Variants in PDE7B observed in about 807,000 individuals in gnomAD.
PDE7B encodes 3',5'-cyclic-AMP phosphodiesterase 7B.
PDE7B carries 29 observed loss-of-function variants against 56.2 expected under a neutral mutation model. That is an observed-to-expected ratio of 0.52 (90% CI 0.38 to 0.70). PDE7B has a LOEUF of 0.70. PDE7B is among the 30% of genes least tolerant of loss of function. PDE7B has a pLI of 0.00. For missense variants in PDE7B, 490 were observed against 565.0 expected (o/e 0.87, Z 1.35); for synonymous variants, 197 against 196.9 (o/e 1.00, Z 0.00).
chr6:135,870,856 T>A (rs1442398929), intron 1 of PDE7B, among the ~76,000 whole-genome samples: 2 of 151,936 alleles, frequency 1.3e-5, no homozygotes, highest in East Asian at 3.9e-4. Context: ...GGGTGGAGAA[T>A]GAAGACTCCC....
At chr6:135,915,685 C>T (rs1248380069) in intron 1 of PDE7B, among the ~76,000 whole-genome samples, 7 of 152,198 alleles carry the variant, frequency 4.6e-5, no homozygotes, top group Non-Finnish European at 8.8e-5. Flanking sequence ...CCCCGGAAAT[C>T]GCTCTATGCT....
chr6:136,178,036 A>G (rs540568182), intron 9 of PDE7B, among the ~76,000 whole-genome samples: 214 of 152,364 alleles, frequency 1.4e-3, no homozygotes, highest in African/African-American at 4.9e-3. Flanking sequence ...TACATACCAT[A>G]TAACTTAAAG....
chr6:136,070,795 T>C (rs1032646676), intron 2 of PDE7B, among the ~76,000 whole-genome samples: 6 of 152,158 alleles, frequency 3.9e-5, no homozygotes, highest in Non-Finnish European at 7.4e-5. Flanking sequence ...TACGTGATAA[T>C]AACAGCAAAG....
chr6:135,990,592 G>A (rs1775461998), intron 2 of PDE7B, among the ~76,000 whole-genome samples: 2 of 152,184 alleles, frequency 1.3e-5, no homozygotes, highest in Admixed American at 6.5e-5. Flanking sequence ...GAAGTTAGAC[G>A]TATAGAAATA....
chr6:135,906,363 T>C (rs1345950451), intron 1 of PDE7B, among the ~76,000 whole-genome samples: 1 of 152,242 alleles, frequency 6.6e-6, no homozygotes, highest in Non-Finnish European at 1.5e-5. Context: ...ATCTACTGGC[T>C]ATGATTTTAC....
chr6:135,947,218 C>T (rs1041741709), intron 1 of PDE7B, among the ~76,000 whole-genome samples: 2 of 152,102 alleles, frequency 1.3e-5, no homozygotes, highest in African/African-American at 4.8e-5. Context: ...CGTGACTTCA[C>T]ATGGGAGCAC....
At chr6:135,935,550 T>C (rs932997070) in intron 1 of PDE7B, among the ~76,000 whole-genome samples, 5 of 152,128 alleles carry the variant, frequency 3.3e-5, no homozygotes, top group Non-Finnish European at 7.4e-5. Flanking sequence ...TTATTGAGAA[T>C]CTATGATGTG....
intron 1 of PDE7B, among the ~76,000 whole-genome samples, chr6:135,857,209 C>CT (rs959521928): frequency 9.3e-4 from 142 of 151,924 alleles, no homozygotes; most frequent in African/African-American, 3.1e-3. Flanking sequence ...GTAATACTTA[C>CT]TTTTTTTTCC....
intron 2 of PDE7B, among the ~76,000 whole-genome samples, chr6:136,036,303 G>A (rs1294656243): frequency 1.3e-5 from 2 of 152,164 alleles, no homozygotes; most frequent in Non-Finnish European, 2.9e-5. Context: ...TTCCCTAATT[G>A]TGTTGTATGT....
intron 2 of PDE7B, among the ~76,000 whole-genome samples, chr6:136,027,709 C>T (rs549888684): frequency 6.6e-6 from 1 of 152,236 alleles, no homozygotes; most frequent in South Asian, 2.1e-4. Flanking sequence ...GCAACCTCCA[C>T]CTCCCGGCTT....
At chr6:136,052,605 A>G (rs1191301117) in intron 2 of PDE7B, among the ~76,000 whole-genome samples, 1 of 145,178 alleles carries the variant, frequency 6.9e-6, no homozygotes, top group Non-Finnish European at 1.5e-5. Context: ...GGGTGTATAA[A>G]GTTAGGGTAC....
intron 2 of PDE7B, among the ~76,000 whole-genome samples, chr6:136,085,897 A>G (rs998860015): frequency 5.3e-5 from 8 of 152,142 alleles, no homozygotes; most frequent in African/African-American, 1.9e-4. Context: ...GTATTTTACA[A>G]TTCATTACAT....
chr6:136,097,213 C>T (rs893607905), intron 2 of PDE7B, among the ~76,000 whole-genome samples: 1 of 152,110 alleles, frequency 6.6e-6, no homozygotes, highest in East Asian at 1.9e-4. Flanking sequence ...CCCAGAAATT[C>T]CCCCTAAGCC....
chr6:136,177,081 A>AT (rs11398894), intron 9 of PDE7B, among the ~76,000 whole-genome samples: 36,446 of 151,722 alleles, frequency 0.24, 12,031 homozygotes, highest in African/African-American at 0.74. Flanking sequence ...ATGTAGGGAA[A>AT]TTTTCATCAG....
At chr6:135,909,514 G>A (rs1776174420) in intron 1 of PDE7B, among the ~76,000 whole-genome samples, 3 of 151,988 alleles carry the variant, frequency 2.0e-5, no homozygotes, top group Admixed American at 2.0e-4. Flanking sequence ...GCTGAGGCAC[G>A]AGAATTGCTT....
chr6:135,881,843 A>G (rs1197106962), intron 1 of PDE7B, among the ~76,000 whole-genome samples: 1 of 152,220 alleles, frequency 6.6e-6, no homozygotes, highest in African/African-American at 2.4e-5. Context: ...TATAACTGAA[A>G]TAACTGTACA....
intron 1 of PDE7B, among the ~76,000 whole-genome samples, chr6:135,878,276 CT>C (rs879377949): frequency 8.9e-4 from 135 of 151,256 alleles, no homozygotes; most frequent in Middle Eastern, 3.4e-3. Context: ...TTTTATCAGT[CT>C]TTTTTTTTAA....
At chr6:135,907,584 G>T (rs1776138499) in intron 1 of PDE7B, among the ~76,000 whole-genome samples, 1 of 152,024 alleles carries the variant, frequency 6.6e-6, no homozygotes, top group Non-Finnish European at 1.5e-5. Context: ...ATTAATAAGA[G>T]AATATTAGAA....
At chr6:135,876,061 C>T (rs1168859391) in intron 1 of PDE7B, among the ~76,000 whole-genome samples, 1 of 151,996 alleles carries the variant, frequency 6.6e-6, no homozygotes, top group African/African-American at 2.4e-5. Context: ...AGCCTTCAGA[C>T]CTCAGGGCAG....
Sources: allele counts gnomAD v4.1 joint callset (sites outside exome capture counted in the v4.1 genomes callset), GRCh38; gene constraint gnomAD v4.1.1; transcripts MANE v1.5; gene names NCBI Gene and HGNC (gene_info 2026-07-23, HGNC 2026-07-21).